The following AHCYL2 variants were observed in gnomAD, a reference collection of about 807,000 sequenced individuals.
AHCYL2 encodes S-adenosylhomocysteine hydrolase-like protein 2.
AHCYL2 carries 28 observed loss-of-function variants against 81.4 expected under a neutral mutation model. That is an observed-to-expected ratio of 0.34 (90% confidence interval 0.25 to 0.47). The LOEUF (loss-of-function observed/expected upper bound fraction) is 0.47. AHCYL2 is among the 20% of genes least tolerant of loss of function. The pLI, the probability that AHCYL2 is intolerant of heterozygous loss-of-function variation, is 1.00. For missense variants in AHCYL2, 551 were observed against 785.1 expected, an observed-to-expected ratio of 0.70 and a Z score of 3.56; for synonymous variants, 272 against 290.2, an observed-to-expected ratio of 0.94 and a Z score of 0.64.
intron 1 of AHCYL2, among the ~76,000 whole-genome samples, chr7:129,372,238 A>T (rs71579838): frequency 0.023 from 3,565 of 152,320 alleles, 73 homozygotes; most frequent in Admixed American, 0.056. Flanking sequence ...ATACATTTTA[A>T]ATAGGCAAAG....
At position 129,427,240 on chromosome 7, in the gene AHCYL2, C is replaced by T. The variant is rs1797404261; in HGVS notation, c.*195C>T. On this transcript the variant is annotated 3_prime_UTR_variant, in exon 17 of 17. Transcript: ENST00000325006. The surrounding 1 kb of genome is among the most constrained non-coding windows in gnomAD (Gnocchi z 5.5). ...TGTTGGCCCAGAGTGTGGTTACTGC[C>T]CTGAGGGCCATGAAAGCCACAGAGG... 1.8e-6 allele frequency: 1 copy of T among 554,186 alleles called. No homozygotes were observed. The highest frequency in any genetic ancestry group is 2.0e-5 in the African/African-American group (1 of 51,164). 34.3% of individuals were successfully genotyped at this position (554,186 alleles called of 1,614,324 possible).
chr7:129,282,875 A>G (rs1034968012), intron 1 of AHCYL2, among the ~76,000 whole-genome samples: 3 of 152,052 alleles, frequency 2.0e-5, no homozygotes, highest in Admixed American at 6.6e-5. Context: ...AGAAAAAAAA[A>G]TATTTGTTAG....
rs1484960360 is a variant in AHCYL2, at chr7:129,428,154, C to T, written c.*1109C>T. ...AAATTGTAAACTGTATCCAGATTAT[C>T]AAAGCTAATTTGACTAGTTTGAACC... On this transcript the variant is annotated 3_prime_UTR_variant, in exon 17 of 17. Transcript: ENST00000325006. 1 of 152,212 alleles carries T rather than the reference C, an allele frequency of 6.6e-6. No homozygotes were observed. Among genetic ancestry groups the T allele is most frequent in the Non-Finnish European group, 1.5e-5 (1 of 68,034 alleles). 9.4% of individuals were successfully genotyped at this position (152,212 alleles called of 1,614,324 possible).
At chr7:129,343,803 T>G (rs1171623818) in intron 1 of AHCYL2, among the ~76,000 whole-genome samples, 1 of 152,008 alleles carries the variant, frequency 6.6e-6, no homozygotes, top group Non-Finnish European at 1.5e-5. Context: ...TTTGATAGAG[T>G]TCTCCAAAAT....
intron 4 of AHCYL2, among the ~76,000 whole-genome samples, chr7:129,394,508 T>C (rs1473778533): frequency 7.4e-6 from 1 of 135,410 alleles, no homozygotes; most frequent in Non-Finnish European, 1.5e-5. Context: ...AGTGCAACGG[T>C]GCAATCTTGG....
At chr7:129,421,251 CA>C (rs11411466) in intron 12 of AHCYL2, among the ~76,000 whole-genome samples, 1,928 of 136,984 alleles carry the variant, frequency 0.014, 33 homozygotes, top group African/African-American at 0.047. Context: ...GACTCCATCT[CA>C]AAAAAAAAAA....
intron 1 of AHCYL2, among the ~76,000 whole-genome samples, chr7:129,374,488 A>C (rs1036727547): frequency 2.0e-5 from 3 of 151,830 alleles, no homozygotes; most frequent in Non-Finnish European, 4.4e-5. Flanking sequence ...TTCTCTCTCT[A>C]AATAAAGATT....
intron 1 of AHCYL2, among the ~76,000 whole-genome samples, chr7:129,293,951 A>G (rs1430065026): frequency 6.6e-6 from 1 of 152,118 alleles, no homozygotes; most frequent in Non-Finnish European, 1.5e-5. Context: ...AGTCAACGTG[A>G]TTTTTTACTT....
At chr7:129,415,292 C>G (rs1275569302) in intron 12 of AHCYL2, among the ~76,000 whole-genome samples, 1 of 152,172 alleles carries the variant, frequency 6.6e-6, no homozygotes, top group Non-Finnish European at 1.5e-5. Context: ...ATGTCATGCC[C>G]TGGGCCCTAA....
intron 1 of AHCYL2, among the ~76,000 whole-genome samples, chr7:129,379,134 A>C (rs952112471): frequency 6.6e-6 from 1 of 152,088 alleles, no homozygotes; most frequent in Non-Finnish European, 1.5e-5. Flanking sequence ...TATAAAAATT[A>C]GCAGGTCATT....
intron 2 of AHCYL2, among the ~76,000 whole-genome samples, chr7:129,381,925 C>A (rs1794973762): frequency 6.6e-6 from 1 of 152,220 alleles, no homozygotes; most frequent in African/African-American, 2.4e-5. Flanking sequence ...AGCTGCATCA[C>A]ATGCACTGTT....
Position 129,364,065 on chromosome 7 carries a change from G to A in AHCYL2, c.364-15573G>A, listed in dbSNP as rs367546315. 9.2e-5 allele frequency among the ~76,000 whole-genome samples: 14 copies of A among 151,726 alleles called. No individual in the cohort carries two copies. The South Asian group carries it at 1.0e-3, about 11-fold the overall frequency. ...CAAGCCTGAGCAACACAGTGAGACCGCTATCTCTACAAAAAATTCAAAAAT... is the reference window on the plus strand; with the variant it reads ...CAAGCCTGAGCAACACAGTGAGACCACTATCTCTACAAAAAATTCAAAAAT... On this transcript the variant is annotated intron_variant, in intron 1 of 16. Coordinates refer to ENST00000325006, the MANE Select transcript of AHCYL2 (RefSeq NM_015328.4).
intron 1 of AHCYL2, among the ~76,000 whole-genome samples, chr7:129,275,953 G>A (rs1796185271): frequency 6.6e-6 from 1 of 152,152 alleles, no homozygotes; most frequent in African/African-American, 2.4e-5. Context: ...TTTTTAGGGA[G>A]TTTTAAAAAA....
At chr7:129,262,239 T>G (rs1427793991) in intron 1 of AHCYL2, among the ~76,000 whole-genome samples, 1 of 152,150 alleles carries the variant, frequency 6.6e-6, no homozygotes, top group African/African-American at 2.4e-5. Flanking sequence ...TCAGAAAACA[T>G]ACTTTGAGGG....
intron 1 of AHCYL2, among the ~76,000 whole-genome samples, chr7:129,370,402 T>TA (rs1563216403): frequency 6.6e-6 from 1 of 151,852 alleles, no homozygotes; most frequent in Admixed American, 6.6e-5. Flanking sequence ...AAAAAATAAA[T>TA]AAAAAAATTT....
intron 1 of AHCYL2, among the ~76,000 whole-genome samples, chr7:129,279,395 C>A (rs565522597): frequency 2.0e-5 from 3 of 152,216 alleles, no homozygotes; most frequent in South Asian, 2.1e-4. Context: ...GTGATCCCCC[C>A]ACCCCGGCTT....
intron 1 of AHCYL2, among the ~76,000 whole-genome samples, chr7:129,328,928 C>T (rs1798322254): frequency 2.0e-5 from 3 of 152,162 alleles, no homozygotes; most frequent in Non-Finnish European, 4.4e-5. Flanking sequence ...TTCTTAAATA[C>T]ATGGAATCTT....
chr7:129,364,790 G>A (rs1022413360), intron 1 of AHCYL2, among the ~76,000 whole-genome samples: 4 of 151,226 alleles, frequency 2.6e-5, no homozygotes, highest in Non-Finnish European at 4.4e-5. Context: ...GGTGCAGATC[G>A]AGCAATGGAA....
chr7:129,422,985 G>A (rs777981148), intron 13 of AHCYL2, 47 bp downstream of exon 13: 1 of 1,535,432 alleles, frequency 6.5e-7, no homozygotes, highest in Non-Finnish European at 9.0e-7. Flanking sequence ...AGGAGAGACT[G>A]CAATACCCAG....
Sources: allele counts gnomAD v4.1 joint callset (sites outside exome capture counted in the v4.1 genomes callset), GRCh38; gene constraint gnomAD v4.1.1; non-coding constraint Gnocchi (gnomAD v3.1); transcripts MANE v1.5; gene names NCBI Gene and HGNC (gene_info 2026-07-23, HGNC 2026-07-21).